KDM6B: variants seen among roughly 807,000 people sequenced by gnomAD.
The protein encoded by KDM6B is lysine-specific demethylase 6B.
In KDM6B, 22 loss-of-function variants were observed where a neutral mutation model predicts 150.4. That is an observed-to-expected ratio of 0.15 (90% CI 0.10 to 0.21). The LOEUF is 0.21. KDM6B is among the 10% of genes least tolerant of loss of function. The pLI, the probability that KDM6B is intolerant of heterozygous loss-of-function variation, is 1.00. For synonymous variants in KDM6B, 1,148 were observed against 921.1 expected (o/e 1.25, Z -4.46); for missense variants, 1,984 against 2,234.3 (o/e 0.89, Z 2.26).
At chr17:7,850,198 G>A (rs1367156506) in intron 14 of KDM6B, 21 bp downstream of exon 14, 7 of 1,593,732 alleles carry the variant, frequency 4.4e-6, no homozygotes, top group African/African-American at 4.0e-5. Context: ...GGGGCAGAAA[G>A]TGTTAGGGAG....
At position 7,834,232 on chromosome 17, in the gene KDM6B, T is replaced by C. The variant is rs1283613840; in HGVS notation, c.-506T>C. Among the ~76,000 whole-genome samples the C allele has an allele frequency of 2.0e-5, 3 of 148,784 alleles. No homozygotes were observed. Among genetic ancestry groups the C allele is most frequent in the African/African-American group, 7.4e-5 (3 of 40,284 alleles). ...GGGTGCGGGTGTTTGTGTTGGAAAA[T>C]CCAACTGCGCCACTGGGCGGAGCGG... On this transcript the variant is annotated 5_prime_UTR_variant, in exon 1 of 24. Transcript: ENST00000448097.
rs773026768 is a variant in KDM6B at position 7,848,970 on chromosome 17, C to A, written c.2682C>A (p.Thr894=). 1 of 1,564,612 alleles carries A rather than the reference C, an allele frequency of 6.4e-7. No individual in the cohort carries two copies. Among genetic ancestry groups the A allele is most frequent in the Admixed American group, 1.8e-5 (1 of 56,682 alleles). ...AGEEPVPGPM[T]PTQPPPPLSL... ...AAGAGCCAGTCCCGGGCCCCATGAC[C>A]CCCACCCAACCGCCCCCACCCCTAT... Residue 894 remains threonine (T), a synonymous_variant, in exon 12 of 24, where the codon ACC becomes ACA. Transcript: ENST00000448097.
chr17:7,842,611 G>C (rs2078440626), intron 2 of KDM6B, among the ~76,000 whole-genome samples: 1 of 152,194 alleles, frequency 6.6e-6, no homozygotes, highest in Admixed American at 6.5e-5. Flanking sequence ...GGCGACTGGG[G>C]AACAGGTGCA....
rs2078748479 is a variant in KDM6B, at chr17:7,853,551, G to T, written c.*30G>T. On this transcript the variant is annotated 3_prime_UTR_variant, in exon 24 of 24. Coordinates refer to ENST00000448097, the MANE Select transcript of KDM6B (RefSeq NM_001348716.2). The stretch of plus-strand genomic sequence containing the variant: ...GGACGCCCCGCCCGCCTGCCTGCCC[G>T]CGCAAGGCGCCGCGGGGCCACCAGC... 2 of 1,412,014 alleles carry T rather than the reference G, an allele frequency of 1.4e-6. No individual in the cohort carries two copies. The highest frequency in any genetic ancestry group is 1.8e-6 in the Non-Finnish European group (2 of 1,084,276). The allele number at this position is 1,412,014 out of a possible 1,614,324, so 87.5% of individuals were successfully genotyped here.
At position 7,847,348 on chromosome 17, in the gene KDM6B, T is replaced by C. The variant is rs1051440418; in HGVS notation, c.1153T>C (p.Tyr385His). 1.2e-6 allele frequency: 2 copies of C among 1,611,522 alleles called. No homozygotes were observed. Among genetic ancestry groups the C allele is most frequent in the Non-Finnish European group, 1.7e-6 (2 of 1,179,860 alleles). ...SPAATTACVP[Y>H]APSRPPGLPG... ...AGCAGCAACCACCGCCTGCGTGCCT[T>C]ACGCCCCTTCCCGGCCCCCTGGCCT... The change falls in exon 11 of 24, where the codon TAC becomes CAC. Residue 385 changes from tyrosine to histidine, a missense_variant. Tyr to His is a moderately conservative substitution (Grantham distance 83). Transcript: ENST00000448097.
At chr17:7,835,870 G>T (rs539683453) in intron 1 of KDM6B, among the ~76,000 whole-genome samples, 70 of 152,202 alleles carry the variant, frequency 4.6e-4, no homozygotes, top group Middle Eastern at 3.4e-3. Flanking sequence ...AGCCCCTGGG[G>T]ACCCACACGT....
Position 7,842,348 on chromosome 17 carries a change from C to T in KDM6B, c.-269+2324C>T, listed in dbSNP as rs2078434740. Among the ~76,000 whole-genome samples, 3 of 152,182 alleles carry T rather than the reference C, an allele frequency of 2.0e-5. No individual in the cohort carries two copies. The South Asian group carries it at 6.2e-4, about 31-fold the overall frequency. On this transcript the variant is annotated intron_variant, in intron 2 of 23. Transcript: ENST00000448097. ...TCGGCGGGAGCGGAATTAACCCTTT[C>T]AGAGCCGCTGGCTCCCGAGGTTGTG...
intron 1 of KDM6B, among the ~76,000 whole-genome samples, chr17:7,839,078 A>C: frequency 6.6e-6 from 1 of 152,256 alleles, no homozygotes; most frequent in East Asian, 1.9e-4. Context: ...GCAGAGAACT[A>C]TGATTAAGGG....
At position 7,852,648 on chromosome 17, in the gene KDM6B, A is replaced by G; in HGVS notation, c.4610+12A>G. The G allele has an allele frequency of 6.2e-7, 1 of 1,613,960 alleles. No individual in the cohort carries two copies. The highest frequency in any genetic ancestry group is 1.6e-4 in the Middle Eastern group (1 of 6,062). On this transcript the variant is annotated intron_variant, in intron 21 of 23. Coordinates refer to ENST00000448097, the MANE Select transcript of KDM6B (RefSeq NM_001348716.2). The stretch of plus-strand genomic sequence containing the variant: ...TTCAAGATGATCAAGTGAGGACCCT[A>G]TTTGGGTGGGAGCCCACCTCCACTG...
chr17:7,835,660 G>A (rs118115346), intron 1 of KDM6B, among the ~76,000 whole-genome samples: 3,489 of 152,230 alleles, frequency 0.023, 61 homozygotes, highest in Middle Eastern at 0.11. Flanking sequence ...GATAGCGACA[G>A]GAAAGGGAGA....
chr17:7,842,225 G>A (rs901302693), intron 2 of KDM6B, among the ~76,000 whole-genome samples: 21 of 152,160 alleles, frequency 1.4e-4, no homozygotes, highest in Admixed American at 1.1e-3. Context: ...CAGCGGGGGC[G>A]GGGGGTAGGG....
At position 7,852,479 on chromosome 17, in the gene KDM6B, C is replaced by T. The variant is rs747515833; in HGVS notation, c.4469-16C>T. On this transcript the variant is annotated splice_polypyrimidine_tract_variant and intron_variant, in intron 20 of 23. Transcript: ENST00000448097. ...GGCTGTTTGAGAGTCCTGTTGTGAT[C>T]GCCTTTGGCCCGCAGCCTATCAGTA... 8.7e-6 allele frequency: 14 copies of T among 1,605,792 alleles called. No individual in the cohort carries two copies. In the East Asian group the frequency reaches 2.2e-4, roughly 26 times the overall value.
At chr17:7,851,418 T>C in intron 16 of KDM6B, 24 bp downstream of exon 16, 1 of 1,614,174 alleles carries the variant, frequency 6.2e-7, no homozygotes, top group Non-Finnish European at 8.5e-7. Flanking sequence ...GTGCCCCTTC[T>C]GTTCCTGCTT....
In KDM6B at chr17:7,850,277, C is replaced by T. The variant is rs1238080513; in HGVS notation, c.3673+100C>T. ...ACACTTGAAGACTCATGACAGTGGC[C>T]GTGAGGAGTCCACTGAGTGATGGGT... On this transcript the variant is annotated intron_variant, in intron 14 of 23. Coordinates refer to ENST00000448097, the MANE Select transcript of KDM6B (RefSeq NM_001348716.2). 6.7e-5 allele frequency: 62 copies of T among 924,378 alleles called. No individual in the cohort carries two copies. In the South Asian group the frequency reaches 8.2e-4, roughly 12 times the overall value. The allele number at this position is 924,378 out of a possible 1,614,324, so 57.3% of individuals were successfully genotyped here. A position where few individuals can be genotyped will look rare whatever the true frequency, so the allele number is the denominator to read the frequency against.
intron 7 of KDM6B, 29 bp from the exon 8 acceptor site, chr17:7,846,371 G>GGGGGGGGC: frequency 1.3e-6 from 2 of 1,488,882 alleles, no homozygotes; most frequent in Non-Finnish European, 1.8e-6. Flanking sequence ...CCTGACATCT[G>GGGGGGGGC]CCCCTGCCCC....
In KDM6B at chr17:7,846,274, C is replaced by A. The variant is rs780132345; in HGVS notation, c.433C>A (p.Pro145Thr). The A allele has an allele frequency of 3.1e-6, 5 of 1,613,388 alleles. No homozygotes were observed. The African/African-American group carries it at 6.7e-5, about 22-fold the overall frequency. Residue 145 changes from proline (P) to threonine (T), a missense_variant, in exon 7 of 24, where the codon CCC (proline) becomes ACC (threonine). This residue lies in a region of KDM6B where 337 missense variants were observed against 323.9 expected (regional missense o/e 1.04). Transcript: ENST00000448097. ...CGGAGGAAGCTTCGCTGAGCTGGGG[C>A]CCCGCATTGGCCGACTGCAGCAGGT... Reference protein sequence around the residue: ...RYGGSFAELGPRIGRLQQAQL... With the variant: ...RYGGSFAELGTRIGRLQQAQL...
In KDM6B at chr17:7,847,284, C is replaced by T; in HGVS notation, c.1089C>T (p.Ser363=). 1.2e-6 allele frequency: 2 copies of T among 1,605,396 alleles called. No homozygotes were observed. Among genetic ancestry groups the T allele is most frequent in the Non-Finnish European group, 1.7e-6 (2 of 1,179,808 alleles). ...CCCCCGGAAGTGACCTTAGAGAGAG[C>T]AGAGTTCAGAGGTCGCGGATGGACT... ...TRPPGSDLRE[S]RVQRSRMDSS... The change falls in exon 11 of 24, where the codon AGC becomes AGT. Residue 363 remains serine (S), a synonymous_variant. Transcript: ENST00000448097.
rs377537156 is a variant in KDM6B at position 7,846,498 on chromosome 17, G to A, written c.549+6G>A. 5 of 1,614,012 alleles carry A rather than the reference G, an allele frequency of 3.1e-6. No homozygotes were observed. In the Admixed American group the frequency reaches 8.3e-5, roughly 27 times the overall value. ...GGAACTTGCTACACCTTGAGGTGAGGCTGGCACTGGGTGGGTTAGGGAGGA... is the reference window on the plus strand; with the variant it reads ...GGAACTTGCTACACCTTGAGGTGAGACTGGCACTGGGTGGGTTAGGGAGGA... On this transcript the variant is annotated splice_donor_region_variant and intron_variant, in intron 8 of 23. Coordinates refer to ENST00000448097, the MANE Select transcript of KDM6B (RefSeq NM_001348716.2).
In KDM6B at chr17:7,849,342, G is replaced by C. The variant is rs764574398; in HGVS notation, c.3054G>C (p.Leu1018=). 6.3e-7 allele frequency: 1 copy of C among 1,587,894 alleles called. No individual in the cohort carries two copies. Among genetic ancestry groups the C allele is most frequent in the Admixed American group, 1.8e-5 (1 of 56,808 alleles). ...KVPKEKSRRV[L]GNLDLQSEEI... is the part of the protein sequence containing the mutation. ...CCAAAGAAAAGAGCCGCCGGGTGCT[G>C]GGGAACCTGGACCTGCAGAGCGAGG... Residue 1018 remains leucine (L), a synonymous_variant, in exon 12 of 24, where the codon CTG becomes CTC. Transcript: ENST00000448097.
Sources: gnomAD v4.1 joint callset for allele counts (sites outside exome capture counted in the v4.1 genomes callset) on GRCh38, gnomAD v4.1.1 for gene constraint, gnomAD v4.1.1 regional missense constraint, MANE v1.5 for transcripts, NCBI Gene and HGNC (gene_info 2026-07-23, HGNC 2026-07-21) for gene names.